SGMS1: variants seen among roughly 807,000 people sequenced by gnomAD.
SGMS1 encodes the protein sphingomyelin synthase 1.
A neutral mutation model predicts 46.2 loss-of-function variants in SGMS1; 13 were observed. The ratio of observed to expected loss-of-function variants is 0.28; its 90% CI spans 0.18 to 0.45. The LOEUF is 0.45. Ranked by LOEUF, SGMS1 falls within the 20% of genes least tolerant of loss-of-function variation. The pLI is 1.00. For missense variants in SGMS1, 324 were observed against 519.9 expected (o/e 0.62, Z 3.66); for synonymous variants, 203 against 187.8 (o/e 1.08, Z -0.66).
chr10:50,329,748 T>C (rs1451857493), intron 7 of SGMS1, among the ~76,000 whole-genome samples: 1 of 152,202 alleles, frequency 6.6e-6, no homozygotes, highest in East Asian at 1.9e-4. Flanking sequence ...TACAGTACAA[T>C]TTTCAAAATC....
At chr10:50,554,794 A>T (rs1838176972) in intron 2 of SGMS1, among the ~76,000 whole-genome samples, 2 of 152,260 alleles carry the variant, frequency 1.3e-5, no homozygotes, top group South Asian at 2.1e-4. Flanking sequence ...AACAGATTAC[A>T]TCACTATGTA....
intron 6 of SGMS1, among the ~76,000 whole-genome samples, chr10:50,351,850 T>G (rs1848024200): frequency 6.6e-6 from 1 of 152,150 alleles, no homozygotes; most frequent in Non-Finnish European, 1.5e-5. Context: ...CTGGGAGGAT[T>G]CAATCATGTA....
chr10:50,480,024 C>T (rs938155232), intron 3 of SGMS1, among the ~76,000 whole-genome samples: 14 of 152,030 alleles, frequency 9.2e-5, no homozygotes, highest in Non-Finnish European at 1.6e-4. Flanking sequence ...TTTTATATCC[C>T]TCCAGCCTTT....
chr10:50,446,437 G>A (rs146847051), intron 5 of SGMS1, among the ~76,000 whole-genome samples: 32 of 152,072 alleles, frequency 2.1e-4, no homozygotes, highest in African/African-American at 7.7e-4. Flanking sequence ...GACCCATATC[G>A]AATATCAGGG....
At chr10:50,328,147 G>T in intron 7 of SGMS1, 1 of 301,724 alleles carries the variant, frequency 3.3e-6, no homozygotes, top group Non-Finnish European at 6.4e-6. Flanking sequence ...CATGTATATT[G>T]AGTTAGATAA....
At chr10:50,615,605 T>C (rs1838789503) in intron 1 of SGMS1, among the ~76,000 whole-genome samples, 1 of 152,216 alleles carries the variant, frequency 6.6e-6, no homozygotes, top group African/African-American at 2.4e-5. Context: ...CTATTGCTTA[T>C]CTAGGCATCT....
intron 9 of SGMS1, among the ~76,000 whole-genome samples, chr10:50,310,963 G>A (rs1417645349): frequency 6.6e-6 from 1 of 152,142 alleles, no homozygotes; most frequent in African/African-American, 2.4e-5. Context: ...ATTTCCATCT[G>A]GCTCCTTACA....
At chr10:50,604,313 G>A (rs1038776691) in intron 1 of SGMS1, among the ~76,000 whole-genome samples, 7 of 152,094 alleles carry the variant, frequency 4.6e-5, no homozygotes, top group East Asian at 3.8e-4. Flanking sequence ...CTGAACCGTC[G>A]GTGAAATTTA....
chr10:50,491,878 A>G (rs567384800), intron 3 of SGMS1, among the ~76,000 whole-genome samples: 1 of 152,340 alleles, frequency 6.6e-6, no homozygotes, highest in African/African-American at 2.4e-5. Flanking sequence ...AGAAAACTTC[A>G]GGCCAGTATC....
intron 6 of SGMS1, among the ~76,000 whole-genome samples, chr10:50,432,832 A>G (rs1390201451): frequency 2.0e-5 from 3 of 152,212 alleles, no homozygotes; most frequent in Non-Finnish European, 4.4e-5. Context: ...AAAAAGCACA[A>G]GAGCAAGAGT....
intron 6 of SGMS1, among the ~76,000 whole-genome samples, chr10:50,355,337 C>G (rs568398583): frequency 6.6e-6 from 1 of 152,262 alleles, no homozygotes; most frequent in South Asian, 2.1e-4. Context: ...CGAGGCTGGA[C>G]TGTACTGCCG....
chr10:50,376,642 C>T (rs1013013178), intron 6 of SGMS1, among the ~76,000 whole-genome samples: 5 of 152,092 alleles, frequency 3.3e-5, no homozygotes, highest in Non-Finnish European at 7.3e-5. Flanking sequence ...TTCAAGTGTT[C>T]TCATTGTTCA....
intron 6 of SGMS1, among the ~76,000 whole-genome samples, chr10:50,369,554 A>C (rs527845415): frequency 4.5e-4 from 69 of 152,200 alleles, no homozygotes; most frequent in African/African-American, 1.7e-3. Context: ...ATATGCCAAA[A>C]AAAAAAAGCA....
At chr10:50,370,177 G>C (rs1200379819) in intron 6 of SGMS1, among the ~76,000 whole-genome samples, 10 of 152,214 alleles carry the variant, frequency 6.6e-5, no homozygotes, top group Admixed American at 2.0e-4. Context: ...CACTACTGCA[G>C]ACTGTCAACA....
chr10:50,452,604 G>A (rs1278894267), intron 5 of SGMS1, among the ~76,000 whole-genome samples: 1 of 152,078 alleles, frequency 6.6e-6, no homozygotes, highest in East Asian at 1.9e-4. Flanking sequence ...TGAGAATGCT[G>A]GGAGGTAGAA....
chr10:50,371,360 C>T (rs535401320), intron 6 of SGMS1, among the ~76,000 whole-genome samples: 16 of 152,304 alleles, frequency 1.1e-4, no homozygotes, highest in Admixed American at 3.3e-4. Context: ...CAATACTGCT[C>T]CCGTACACAC....
chr10:50,376,622 C>T lies in SGMS1; in HGVS notation c.-231-32277G>A, dbSNP rs183407237. Among the ~76,000 whole-genome samples, 437 of 152,260 alleles carry T rather than the reference C, an allele frequency of 2.9e-3. 6 individuals are homozygous for T. Among genetic ancestry groups the T allele is most frequent in the Non-Finnish European group, 1.6e-3 (109 of 68,026 alleles). ...GATAGGCCCCAGTGTGTGATGTTCC[C>T]CTTCCTGTGTTCAAGTGTTCTCATT... On this transcript the variant is annotated intron_variant, in intron 6 of 10. Coordinates refer to ENST00000361781, the MANE Select transcript of SGMS1 (RefSeq NM_147156.4).
chr10:50,542,222 A>T (rs1838059375), intron 2 of SGMS1, among the ~76,000 whole-genome samples: 1 of 152,182 alleles, frequency 6.6e-6, no homozygotes, highest in South Asian at 2.1e-4. Flanking sequence ...CATAAAATAC[A>T]TGGAAACAAA....
chr10:50,474,944 A>G (rs985748505), intron 3 of SGMS1, among the ~76,000 whole-genome samples: 1 of 152,224 alleles, frequency 6.6e-6, no homozygotes, highest in Non-Finnish European at 1.5e-5. Context: ...TTTAACATAA[A>G]TTAAAAGAGC....
Sources: gnomAD v4.1 joint callset for allele counts (sites outside exome capture counted in the v4.1 genomes callset) on GRCh38, gnomAD v4.1.1 for gene constraint, MANE v1.5 for transcripts, NCBI Gene and HGNC (gene_info 2026-07-23, HGNC 2026-07-21) for gene names.